EPHB1: variants seen among roughly 807,000 people sequenced by gnomAD.
The protein encoded by EPHB1 is EPH receptor B1.
A neutral mutation model predicts 94.4 loss-of-function variants in EPHB1; 30 were observed. The ratio of observed to expected loss-of-function variants is 0.32; its 90% CI spans 0.24 to 0.43. The LOEUF is 0.43. Among genes scored for constraint, EPHB1 ranks in the 20% least tolerant of loss-of-function variants. The pLI is 1.00. For missense variants in EPHB1, 1,055 were observed against 1,308.3 expected (o/e 0.81, Z 2.99); for synonymous variants, 522 against 489.1 (o/e 1.07, Z -0.89).
chr3:134,927,637 G>T (rs1046681711), intron 2 of EPHB1, among the ~76,000 whole-genome samples: 1 of 152,162 alleles, frequency 6.6e-6, no homozygotes, highest in Non-Finnish European at 1.5e-5. Context: ...TTTTCCCTTG[G>T]TTTTTGTACA....
chr3:134,880,188 A>G (rs2037703595), intron 1 of EPHB1, among the ~76,000 whole-genome samples: 1 of 152,220 alleles, frequency 6.6e-6, no homozygotes, highest in Non-Finnish European at 1.5e-5. Flanking sequence ...AAAGGGAGAC[A>G]ACAATGGTGC....
intron 3 of EPHB1, among the ~76,000 whole-genome samples, chr3:134,983,447 C>T (rs191031552): frequency 2.2e-3 from 328 of 152,324 alleles, no homozygotes; most frequent in Non-Finnish European, 3.1e-3. Flanking sequence ...CTCAGTGGGG[C>T]TCAATGCTAA....
chr3:135,138,162 C>T (rs1051901408), intron 5 of EPHB1, among the ~76,000 whole-genome samples: 3 of 152,234 alleles, frequency 2.0e-5, no homozygotes, highest in African/African-American at 7.2e-5. Context: ...GGCCTGCGTG[C>T]CACTTCCATG....
intron 12 of EPHB1, among the ~76,000 whole-genome samples, chr3:135,219,047 G>T (rs557723625): frequency 3.3e-5 from 5 of 152,164 alleles, no homozygotes; most frequent in Admixed American, 1.3e-4. Flanking sequence ...AAGCACAGGT[G>T]GGGGAAGAGT....
chr3:135,174,187 T>C (rs1008034490), intron 9 of EPHB1, among the ~76,000 whole-genome samples: 2 of 152,184 alleles, frequency 1.3e-5, no homozygotes, highest in Admixed American at 6.5e-5. Flanking sequence ...TCAGTACATC[T>C]GTCCCCTGCT....
intron 12 of EPHB1, among the ~76,000 whole-genome samples, chr3:135,237,201 G>A (rs560468144): frequency 6.6e-6 from 1 of 152,002 alleles, no homozygotes; most frequent in Non-Finnish European, 1.5e-5. Context: ...GTGGATGTGG[G>A]TCAGCAGATG....
intron 3 of EPHB1, among the ~76,000 whole-genome samples, chr3:135,067,121 G>T (rs1937590739): frequency 6.6e-6 from 1 of 152,190 alleles, no homozygotes; most frequent in African/African-American, 2.4e-5. Context: ...CTCTGTGAGG[G>T]TTCTTAGCTT....
chr3:134,967,231 A>G (rs988153042), intron 3 of EPHB1, among the ~76,000 whole-genome samples: 1 of 152,186 alleles, frequency 6.6e-6, no homozygotes. Flanking sequence ...CATGGAGTGT[A>G]AAAAAATGAA....
intron 3 of EPHB1, among the ~76,000 whole-genome samples, chr3:134,978,796 G>T (rs563097538): frequency 2.0e-5 from 3 of 152,348 alleles, no homozygotes; most frequent in Admixed American, 1.3e-4. Flanking sequence ...TGCTCCTGTG[G>T]CTCTGGCACC....
intron 3 of EPHB1, among the ~76,000 whole-genome samples, chr3:135,046,100 CT>C (rs2107768483): frequency 6.6e-6 from 1 of 152,262 alleles, no homozygotes; most frequent in African/African-American, 2.4e-5. Context: ...ATTTGCAATG[CT>C]GTAAAACCCA....
chr3:135,117,692 A>G (rs1472292366), intron 4 of EPHB1, among the ~76,000 whole-genome samples: 1 of 152,206 alleles, frequency 6.6e-6, no homozygotes, highest in Non-Finnish European at 1.5e-5. Flanking sequence ...AGGTTGTGGC[A>G]ATGGTACTAA....
chr3:135,058,680 C>T (rs1398843611), intron 3 of EPHB1, among the ~76,000 whole-genome samples: 1 of 152,218 alleles, frequency 6.6e-6, no homozygotes, highest in Non-Finnish European at 1.5e-5. Context: ...TTACCTGTTC[C>T]TTCAACATTG....
intron 12 of EPHB1, among the ~76,000 whole-genome samples, chr3:135,216,857 A>G (rs535043097): frequency 6.6e-6 from 1 of 152,230 alleles, no homozygotes; most frequent in Non-Finnish European, 1.5e-5. Flanking sequence ...ATGCCCTGTT[A>G]ACTGGGGTGA....
intron 12 of EPHB1, among the ~76,000 whole-genome samples, chr3:135,231,012 A>T (rs992491061): frequency 6.6e-6 from 1 of 152,172 alleles, no homozygotes; most frequent in Non-Finnish European, 1.5e-5. Context: ...GCTGTCATGA[A>T]TAGCGAGGCG....
chr3:134,905,745 G>C (rs1050392532), intron 1 of EPHB1, among the ~76,000 whole-genome samples: 3 of 152,204 alleles, frequency 2.0e-5, no homozygotes, highest in Admixed American at 2.0e-4. Flanking sequence ...TGCTGACCAG[G>C]AGCCTTGCTG....
intron 3 of EPHB1, among the ~76,000 whole-genome samples, chr3:135,043,546 A>T (rs1936912826): frequency 6.6e-6 from 1 of 152,012 alleles, no homozygotes; most frequent in Non-Finnish European, 1.5e-5. Context: ...TTTCCATACC[A>T]TCTTCTCTGC....
At chr3:135,167,975 T>A (rs1354473358) in intron 9 of EPHB1, among the ~76,000 whole-genome samples, 1 of 152,160 alleles carries the variant, frequency 6.6e-6, no homozygotes, top group Non-Finnish European at 1.5e-5. Flanking sequence ...GGGGTGAACA[T>A]GGACTCCCAG....
chr3:135,060,598 A>G (rs1475962834), intron 3 of EPHB1, among the ~76,000 whole-genome samples: 2 of 152,210 alleles, frequency 1.3e-5, no homozygotes, highest in Non-Finnish European at 2.9e-5. Context: ...TTGAAGCATT[A>G]TCAGACAGTT....
intron 7 of EPHB1, 51 bp from the exon 8 acceptor site, chr3:135,165,917 C>T (rs905307534): frequency 8.3e-6 from 11 of 1,320,042 alleles, no homozygotes; most frequent in Non-Finnish European, 1.1e-5. Context: ...TGAGTATCAG[C>T]TGTATGCAAA....
Sources: gnomAD v4.1 joint callset for allele counts (sites outside exome capture counted in the v4.1 genomes callset) on GRCh38, gnomAD v4.1.1 for gene constraint, MANE v1.5 for transcripts, NCBI Gene and HGNC (gene_info 2026-07-23, HGNC 2026-07-21) for gene names.